DST: variants seen among roughly 807,000 people sequenced by gnomAD.
The protein encoded by DST is bullous pemphigoid antigen.
DST carries 253 observed loss-of-function variants against 875.2 expected under a neutral mutation model. That is an observed-to-expected ratio of 0.29 (90% CI 0.26 to 0.32). DST has a LOEUF of 0.32. Among genes scored for constraint, DST ranks in the 10% least tolerant of loss-of-function variants. DST has a pLI of 1.00. For synonymous variants in DST, 3,124 were observed against 3,197.1 expected, an observed-to-expected ratio of 0.98 and a Z score of 0.77; for missense variants, 8,287 against 9,111.6, an observed-to-expected ratio of 0.91 and a Z score of 3.68.
intron 3 of DST, among the ~76,000 whole-genome samples, chr6:56,875,482 T>C (rs1253344512): frequency 1.3e-5 from 2 of 152,246 alleles, no homozygotes; most frequent in African/African-American, 2.4e-5. Flanking sequence ...TATACAAAAG[T>C]TGAATTGCAA....
At chr6:56,844,503 T>C (rs1354299589) in intron 4 of DST, among the ~76,000 whole-genome samples, 1 of 152,212 alleles carries the variant, frequency 6.6e-6, no homozygotes, top group Admixed American at 6.5e-5. Flanking sequence ...TATATGTGTA[T>C]CATATACTAA....
chr6:56,593,378 G>A (rs1293317022), intron 48 of DST, among the ~76,000 whole-genome samples: 3 of 151,766 alleles, frequency 2.0e-5, no homozygotes, highest in South Asian at 2.1e-4. Context: ...TTAGACGGGC[G>A]TGGGGGTACA....
intron 4 of DST, among the ~76,000 whole-genome samples, chr6:56,795,547 C>T (rs937119821): frequency 1.3e-5 from 2 of 152,112 alleles, no homozygotes; most frequent in African/African-American, 4.8e-5. Context: ...AAAGAAAAGA[C>T]ACTAAAACAG....
In DST at chr6:56,482,099, A is replaced by T. The variant is rs2095420356; in HGVS notation, c.21482T>A (p.Val7161Asp). 6.2e-7 allele frequency: 1 copy of T among 1,613,726 alleles called. No individual in the cohort carries two copies. Among genetic ancestry groups the T allele is most frequent in the Non-Finnish European group, 8.5e-7 (1 of 1,179,792 alleles). Residue 7161 changes from valine (V) to aspartate (D), a missense_variant, in exon 90 of 104, where the codon GTC becomes GAC. Coordinates refer to ENST00000680361, the MANE Select transcript of DST (RefSeq NM_001374736.1). ...GAGAGCATCCTCATCATCTGGGAGG[A>T]CACCATGGAAACGCAGGGTTTGCTC... Reference protein sequence around the residue: ...EAEQTLRFHGVLPDDEDALRT... With the variant: ...EAEQTLRFHGDLPDDEDALRT...
chr6:56,926,978 G>A (rs760183443), intron 2 of DST, among the ~76,000 whole-genome samples: 2 of 152,168 alleles, frequency 1.3e-5, no homozygotes, highest in East Asian at 1.9e-4. Context: ...GTATCAGTAG[G>A]TAACTTCAGC....
chr6:56,914,109 C>T (rs1462676417), intron 2 of DST, among the ~76,000 whole-genome samples: 3 of 152,024 alleles, frequency 2.0e-5, no homozygotes, highest in Non-Finnish European at 4.4e-5. Context: ...AGACTGAATT[C>T]ATCAACTTCA....
At chr6:56,874,083 C>T (rs1205336067) in intron 3 of DST, among the ~76,000 whole-genome samples, 2 of 152,150 alleles carry the variant, frequency 1.3e-5, no homozygotes, top group Non-Finnish European at 2.9e-5. Context: ...CCACTGCACT[C>T]CAGCCTGGGC....
chr6:56,465,867 T>TAAAAAAAAAAAA (rs11359681), intron 99 of DST, among the ~76,000 whole-genome samples: 25 of 112,376 alleles, frequency 2.2e-4, no homozygotes, highest in South Asian at 5.6e-4. Flanking sequence ...CCAGAAAAAG[T>TAAAAAAAAAAAA]AAAAAAAAAA....
chr6:56,944,658 C>G (rs952295899), intron 2 of DST, among the ~76,000 whole-genome samples: 5 of 152,148 alleles, frequency 3.3e-5, no homozygotes, highest in Non-Finnish European at 5.9e-5. Context: ...ACAAGGAACC[C>G]TTTGACATTA....
Position 56,634,766 on chromosome 6 carries a change from A to G in DST, c.3339+35T>C, listed in dbSNP as rs949362321. 3.7e-6 allele frequency: 6 copies of G among 1,607,514 alleles called. No individual in the cohort carries two copies. The African/African-American group carries it at 8.0e-5, about 21-fold the overall frequency. On this transcript the variant is annotated intron_variant, in intron 25 of 103. Transcript: ENST00000680361. Reference sequence around the variant, plus strand: ...TCATTTACAAAATATATGAATAATGACAGAAACTGGTCTGTTTCTAGGAGT... The same window carrying G: ...TCATTTACAAAATATATGAATAATGGCAGAAACTGGTCTGTTTCTAGGAGT...
chr6:56,554,441 T>C (rs922400881), intron 60 of DST, among the ~76,000 whole-genome samples: 2 of 152,146 alleles, frequency 1.3e-5, no homozygotes, highest in African/African-American at 4.8e-5. Context: ...AAAAACTACA[T>C]GAGTTTGTAT....
At chr6:56,668,978 T>A (rs1588170744) in intron 10 of DST, among the ~76,000 whole-genome samples, 1 of 152,160 alleles carries the variant, frequency 6.6e-6, no homozygotes, top group East Asian at 1.9e-4. Flanking sequence ...GTTTTGAGTC[T>A]TAATTCTCTA....
In DST at chr6:56,477,215, T is replaced by A. The variant is rs546196106; in HGVS notation, c.21675+130A>T. The A allele has an allele frequency of 1.9e-5, 20 of 1,032,992 alleles. No homozygotes were observed. In the African/African-American group the frequency reaches 2.9e-4, roughly 15 times the overall value. The allele number at this position is 1,032,992 out of a possible 1,614,324, so 64.0% of individuals were successfully genotyped here. On this transcript the variant is annotated intron_variant, in intron 91 of 103. Transcript: ENST00000680361. The stretch of plus-strand genomic sequence containing the variant: ...TTGTAATGCATACAAGAAGCGTATT[T>A]AAAAGAACGTTTTCTATGTAGAGGT...
rs564454749 is a variant in DST at position 56,470,333 on chromosome 6, G to T, written c.22322-51C>A. 34 of 1,445,406 alleles carry T rather than the reference G, an allele frequency of 2.4e-5. No individual in the cohort carries two copies. In the East Asian group the frequency reaches 7.7e-4, roughly 33 times the overall value. 89.5% of individuals were successfully genotyped at this position (1,445,406 alleles called of 1,614,324 possible). ...TAGTGACTTGTTAGTTCTTTCTCAAGACATTCTCAATTGCACATTTCAATC... is the reference window on the plus strand; with the variant it reads ...TAGTGACTTGTTAGTTCTTTCTCAATACATTCTCAATTGCACATTTCAATC... On this transcript the variant is annotated intron_variant, in intron 95 of 103. Transcript: ENST00000680361.
At chr6:56,557,739 A>G (rs6923620) in intron 58 of DST, among the ~76,000 whole-genome samples, 1 of 152,210 alleles carries the variant, frequency 6.6e-6, no homozygotes, top group Non-Finnish European at 1.5e-5. Context: ...ATCTGACTTT[A>G]GAAGATATCG....
At position 56,617,839 on chromosome 6, in the gene DST, A is replaced by G. The variant is rs562146257; in HGVS notation, c.4930-3355T>C. ...GATAAAGATTCAAGTAAGTTACCAGAAAGAGTATAGCATTATTTTCCTGTC... is the reference window on the plus strand; with the variant it reads ...GATAAAGATTCAAGTAAGTTACCAGGAAGAGTATAGCATTATTTTCCTGTC... On this transcript the variant is annotated intron_variant, in intron 36 of 103. Transcript: ENST00000680361. The G allele has an allele frequency of 1.2e-5, 8 of 690,922 alleles. No individual in the cohort carries two copies. In the East Asian group the frequency reaches 1.9e-4, roughly 16 times the overall value. 42.8% of individuals were successfully genotyped at this position (690,922 alleles called of 1,614,324 possible). A position where few individuals can be genotyped will look rare whatever the true frequency, so the allele number is the denominator to read the frequency against.
chr6:56,628,816 G>C (rs750882004), intron 32 of DST, among the ~76,000 whole-genome samples: 8 of 152,096 alleles, frequency 5.3e-5, no homozygotes, highest in Non-Finnish European at 1.2e-4. Context: ...TGAGAATTTT[G>C]ACTTTCTTGT....
At chr6:56,584,462 G>A (rs551337282) in intron 49 of DST, among the ~76,000 whole-genome samples, 3 of 151,198 alleles carry the variant, frequency 2.0e-5, no homozygotes, top group East Asian at 3.9e-4. Flanking sequence ...AGACTTTGCT[G>A]AAGTTGCCTA....
intron 49 of DST, among the ~76,000 whole-genome samples, chr6:56,589,382 G>C (rs1241359648): frequency 6.6e-6 from 1 of 152,062 alleles, no homozygotes. Flanking sequence ...GTTGTTTATA[G>C]TGCTATTTTG....
Sources: gnomAD v4.1 joint callset for allele counts (sites outside exome capture counted in the v4.1 genomes callset) on GRCh38, gnomAD v4.1.1 for gene constraint, MANE v1.5 for transcripts, NCBI Gene and HGNC (gene_info 2026-07-23, HGNC 2026-07-21) for gene names.